Variants in ZKSCAN5 observed in about 807,000 individuals in gnomAD.
ZKSCAN5 encodes zinc finger protein with KRAB and SCAN domains 5.
Under a neutral mutation model 60.0 loss-of-function variants are expected in ZKSCAN5, and 28 were observed. That is an observed-to-expected ratio of 0.47 (90% confidence interval 0.35 to 0.64). The LOEUF is 0.64. ZKSCAN5 is among the 30% of genes least tolerant of loss of function. The probability of loss-of-function intolerance (pLI) is 0.01; values close to 1 mark genes in which losing one functional copy is unlikely to be tolerated. For synonymous variants in ZKSCAN5, 361 were observed against 371.2 expected (o/e 0.97, Z 0.31); for missense variants, 881 against 1,034.6 (o/e 0.85, Z 2.04).
chr7:99,505,823 G>A (rs1800695349), intron 1 of ZKSCAN5, 182 bp from the exon 2 acceptor site: 1 of 460,482 alleles, frequency 2.2e-6, no homozygotes, highest in Non-Finnish European at 3.9e-6. Flanking sequence ...TGTGGGTGAA[G>A]TGATGGCTAC....
intron 5 of ZKSCAN5, among the ~76,000 whole-genome samples, chr7:99,521,607 A>C (rs1417708644): frequency 6.6e-6 from 1 of 151,922 alleles, no homozygotes; most frequent in Non-Finnish European, 1.5e-5. Context: ...CTGCTCTTTT[A>C]AATTTTCAAT....
chr7:99,524,758 T>C (rs1801697629), intron 5 of ZKSCAN5, among the ~76,000 whole-genome samples: 2 of 152,206 alleles, frequency 1.3e-5, no homozygotes, highest in African/African-American at 4.8e-5. Flanking sequence ...CTGAAATCCT[T>C]TGGGCATTGA....
intron 3 of ZKSCAN5, among the ~76,000 whole-genome samples, chr7:99,514,571 A>T (rs2151100763): frequency 6.6e-6 from 1 of 151,266 alleles, no homozygotes; most frequent in East Asian, 1.9e-4. Context: ...CAGGAGTTTG[A>T]TACCATCCTG....
chr7:99,506,298 C>T lies in ZKSCAN5; in HGVS notation c.254C>T (p.Thr85Met), dbSNP rs115127995. ...GAGTGGCTGAGGCCCGAGCTGCACA[C>T]GAAGGAGCAGATCCTGGAGCTGCTG... ...CCEWLRPELH[T>M]KEQILELLVL... The change falls in exon 2 of 7, where the codon ACG becomes ATG. Residue 85 changes from threonine (T) to methionine (M), a missense_variant. Transcript: ENST00000326775. The T allele has an allele frequency of 6.2e-7, 1 of 1,614,226 alleles. No homozygotes were observed. The highest frequency in any genetic ancestry group is 8.5e-7 in the Non-Finnish European group (1 of 1,180,042).
rs571418133 is a variant in ZKSCAN5 at position 99,512,135 on chromosome 7, C to T, written c.415-318C>T. 3.3e-5 allele frequency among the ~76,000 whole-genome samples: 5 copies of T among 152,288 alleles called. No homozygotes were observed. The South Asian group carries it at 1.0e-3, about 32-fold the overall frequency. The stretch of plus-strand genomic sequence containing the variant: ...AGTGTTTGCTTACGGGACACTTCCT[C>T]CAGAAAGCCTTCCCTGGCCTCCCAG... On this transcript the variant is annotated intron_variant, in intron 2 of 6. Coordinates refer to ENST00000326775, the MANE Select transcript of ZKSCAN5 (RefSeq NM_145102.4).
In ZKSCAN5 at chr7:99,525,793, T is replaced by C; in HGVS notation, c.773-20T>C. The C allele has an allele frequency of 6.4e-7, 1 of 1,570,878 alleles. No individual in the cohort carries two copies. Among genetic ancestry groups the C allele is most frequent in the Non-Finnish European group, 8.6e-7 (1 of 1,158,364 alleles). On this transcript the variant is annotated intron_variant, in intron 5 of 6. Coordinates refer to ENST00000326775, the MANE Select transcript of ZKSCAN5 (RefSeq NM_145102.4). ...ATTCAAGGAAAAGCTCATTTTTTAA[T>C]TCTCCCTCTGTTATTTCAGGTTATG...
chr7:99,523,663 AAG>A (rs1352675644), intron 5 of ZKSCAN5, among the ~76,000 whole-genome samples: 1 of 152,116 alleles, frequency 6.6e-6, no homozygotes, highest in Admixed American at 6.6e-5. Context: ...ATATGAATAA[AAG>A]AGAAAAAAAA....
intron 2 of ZKSCAN5, among the ~76,000 whole-genome samples, chr7:99,511,101 G>A (rs1414644696): frequency 2.0e-5 from 3 of 151,502 alleles, no homozygotes; most frequent in Non-Finnish European, 2.9e-5. Flanking sequence ...AGGAGGATTC[G>A]AAAAAAAAGT....
At chr7:99,523,964 A>G (rs1278835732) in intron 5 of ZKSCAN5, among the ~76,000 whole-genome samples, 1 of 152,042 alleles carries the variant, frequency 6.6e-6, no homozygotes, top group Non-Finnish European at 1.5e-5. Flanking sequence ...GTAGTGCTGG[A>G]CTCATAGCAC....
intron 6 of ZKSCAN5, among the ~76,000 whole-genome samples, chr7:99,530,756 C>T (rs545456512): frequency 3.3e-5 from 5 of 152,132 alleles, no homozygotes; most frequent in African/African-American, 1.2e-4. Context: ...TTTATTTTTC[C>T]TTTATAAAAG....
chr7:99,505,985 C>T lies in ZKSCAN5; in HGVS notation c.-40-20C>T. 1 of 1,564,758 alleles carries T rather than the reference C, an allele frequency of 6.4e-7. No homozygotes were observed. The highest frequency in any genetic ancestry group is 8.7e-7 in the Non-Finnish European group (1 of 1,152,390). On this transcript the variant is annotated intron_variant, in intron 1 of 6. Transcript: ENST00000326775. ...GTGTCCTTCAGAAGATATTAAAGAGCAGAAAAACAATTGTTTCAGTGTAAC... is the reference window on the plus strand; with the variant it reads ...GTGTCCTTCAGAAGATATTAAAGAGTAGAAAAACAATTGTTTCAGTGTAAC...
Position 99,531,495 on chromosome 7 carries a change from G to C in ZKSCAN5, c.1766G>C (p.Arg589Pro). 6.2e-7 allele frequency: 1 copy of C among 1,614,150 alleles called. No homozygotes were observed. The highest frequency in any genetic ancestry group is 8.5e-7 in the Non-Finnish European group (1 of 1,180,032). Residue 589 changes from arginine to proline, a missense_variant, in exon 7 of 7, where the codon CGC (arginine) becomes CCC (proline). By Grantham distance (103) the Arg-to-Pro change is moderately radical (BLOSUM62 -2). Around this residue, in one of 5 missense-constraint regions of ZKSCAN5, gnomAD observed 112 missense variants for 182.4 expected, o/e 0.61. Transcript: ENST00000326775. Reference protein sequence around the residue: ...CEECGKSYNQRVHLTQHQRVH... With the variant: ...CEECGKSYNQPVHLTQHQRVH... ...GAATGTGGGAAAAGCTACAACCAAC[G>C]CGTGCACCTAACTCAGCATCAGCGC...
intron 6 of ZKSCAN5, among the ~76,000 whole-genome samples, chr7:99,528,591 T>G (rs1801909406): frequency 6.6e-6 from 1 of 152,118 alleles, no homozygotes; most frequent in African/African-American, 2.4e-5. Flanking sequence ...CACACCCAGC[T>G]AATTTATGTA....
intron 3 of ZKSCAN5, among the ~76,000 whole-genome samples, chr7:99,515,353 A>C (rs1801215644): frequency 6.6e-6 from 1 of 151,408 alleles, no homozygotes; most frequent in African/African-American, 2.4e-5. Flanking sequence ...GTTGCTGTGA[A>C]CCGAGATTGT....
chr7:99,509,496 T>A (rs1368361729), intron 2 of ZKSCAN5, among the ~76,000 whole-genome samples: 1 of 151,258 alleles, frequency 6.6e-6, no homozygotes, highest in Non-Finnish European at 1.5e-5. Flanking sequence ...AGACAGAGTC[T>A]CACTCTGTTG....
Position 99,531,936 on chromosome 7 carries a change from A to T in ZKSCAN5, c.2207A>T (p.Tyr736Phe), listed in dbSNP as rs776941410. The T allele has an allele frequency of 6.2e-7, 1 of 1,614,170 alleles. No individual in the cohort carries two copies. The highest frequency in any genetic ancestry group is 1.1e-5 in the South Asian group (1 of 91,084). Residue 736 changes from tyrosine (Y) to phenylalanine (F), a missense_variant, in exon 7 of 7, where the codon TAC becomes TTC. Tyr to Phe is a conservative substitution (Grantham distance 22). This residue lies in a region of ZKSCAN5 where 138 missense variants were observed against 143.8 expected (regional missense o/e 0.96). Transcript: ENST00000326775. ...FGYSSDLIQH[Y>F]RTHTAEKPYQ... ...TATAGCTCAGACCTCATTCAGCATT[A>T]CAGAACTCATACAGCAGAGAAGCCC... is the stretch of plus-strand genomic sequence containing the variant.
In ZKSCAN5 at chr7:99,525,801, C is replaced by A; in HGVS notation, c.773-12C>A. On this transcript the variant is annotated splice_polypyrimidine_tract_variant and intron_variant, in intron 5 of 6. Coordinates refer to ENST00000326775, the MANE Select transcript of ZKSCAN5 (RefSeq NM_145102.4). The stretch of plus-strand genomic sequence containing the variant: ...AAAAGCTCATTTTTTAATTCTCCCT[C>A]TGTTATTTCAGGTTATGAGTCCAGG... The A allele has an allele frequency of 6.3e-7, 1 of 1,579,834 alleles. No individual in the cohort carries two copies. Among genetic ancestry groups the A allele is most frequent in the South Asian group, 1.2e-5 (1 of 86,946 alleles).
intron 6 of ZKSCAN5, among the ~76,000 whole-genome samples, chr7:99,527,861 G>A (rs941591952): frequency 8.3e-4 from 126 of 151,594 alleles, no homozygotes; most frequent in African/African-American, 2.9e-3. Context: ...ATTTTTTTTT[G>A]TATTTTTAGT....
chr7:99,509,083 G>T (rs928243635), intron 2 of ZKSCAN5, among the ~76,000 whole-genome samples: 3 of 152,004 alleles, frequency 2.0e-5, no homozygotes, highest in African/African-American at 7.2e-5. Flanking sequence ...CAGCTTCCTG[G>T]GTTCAAGTGA....
Sources: gnomAD v4.1 joint callset for allele counts (sites outside exome capture counted in the v4.1 genomes callset) on GRCh38, gnomAD v4.1.1 for gene constraint, gnomAD v4.1.1 regional missense constraint, MANE v1.5 for transcripts, NCBI Gene and HGNC (gene_info 2026-07-23, HGNC 2026-07-21) for gene names.